The following DNM3 variants were observed in gnomAD, a reference collection of about 807,000 sequenced individuals.
DNM3 encodes dynamin 3, also known as dynamin-3.
Under a neutral mutation model 101.6 loss-of-function variants are expected in DNM3, and 47 were observed. The observed-to-expected ratio is 0.46, with a 90% CI of 0.37 to 0.59. DNM3 has a LOEUF of 0.59. DNM3 is among the 20% of genes least tolerant of loss of function. The pLI, the probability that DNM3 is intolerant of heterozygous loss-of-function variation, is 0.00. For synonymous variants in DNM3, 385 were observed against 387.9 expected (o/e 0.99, Z 0.09); for missense variants, 849 against 1,085.7 (o/e 0.78, Z 3.06).
rs1186825648 is a variant in DNM3, at chr1:172,006,895, T to C, written c.589+17747T>C. ...TAGATTTGTCTTTTCTAGAGTTTCA[T>C]GTAAATGGAATCATACACTAAGTAC... On this transcript the variant is annotated intron_variant, in intron 4 of 20. Coordinates refer to ENST00000627582, the MANE Select transcript of DNM3 (RefSeq NM_015569.5). Among the ~76,000 whole-genome samples, 4 of 152,214 alleles carry C rather than the reference T, an allele frequency of 2.6e-5. No individual in the cohort carries two copies. In the South Asian group the frequency reaches 8.3e-4, roughly 32 times the overall value.
intron 1 of DNM3, among the ~76,000 whole-genome samples, chr1:171,893,765 T>C (rs1301172538): frequency 6.6e-6 from 1 of 150,838 alleles, no homozygotes; most frequent in African/African-American, 2.4e-5. Flanking sequence ...TTGACCACTT[T>C]TTTTGGACCG....
In DNM3 at chr1:172,245,172, G is replaced by T. The variant is rs190628112; in HGVS notation, c.1660-8401G>T. ...AATTTATTTCCTCAAAGAGTTGATGGTTTGGTAGCAAAGTCAGCACACAAC... is the reference window on the plus strand; with the variant it reads ...AATTTATTTCCTCAAAGAGTTGATGTTTTGGTAGCAAAGTCAGCACACAAC... On this transcript the variant is annotated intron_variant, in intron 14 of 20. Coordinates refer to ENST00000627582, the MANE Select transcript of DNM3 (RefSeq NM_015569.5). 5.9e-3 allele frequency among the ~76,000 whole-genome samples: 901 copies of T among 152,250 alleles called. 12 individuals are homozygous for T. The highest frequency in any genetic ancestry group is 0.02 in the African/African-American group (816 of 41,544).
Position 171,921,585 on chromosome 1 carries a change from A to T in DNM3, c.162-163A>T, listed in dbSNP as rs572195731. ...TAAGGCCCTCCTCCTCCTTTTTTTT[A>T]AATTTGAAAATGCTTCTTTTATTAA... On this transcript the variant is annotated intron_variant, in intron 1 of 20. Transcript: ENST00000627582. 1.9e-4 allele frequency among the ~76,000 whole-genome samples: 29 copies of T among 152,120 alleles called. No homozygotes were observed. The South Asian group carries it at 5.8e-3, about 30-fold the overall frequency.
chr1:172,290,179 A>G (rs1228168619), intron 15 of DNM3: 1 of 213,852 alleles, frequency 4.7e-6, no homozygotes, highest in Non-Finnish European at 8.0e-6. Flanking sequence ...AAGCTCCATC[A>G]ATGGACTTGT....
At chr1:172,145,660 T>G (rs543401344) in intron 14 of DNM3, among the ~76,000 whole-genome samples, 1 of 152,280 alleles carries the variant, frequency 6.6e-6, no homozygotes, top group East Asian at 1.9e-4. Context: ...AAAGAAACGT[T>G]ACAGTTTTTG....
chr1:172,208,439 C>G (rs1450000302), intron 14 of DNM3, among the ~76,000 whole-genome samples: 3 of 151,982 alleles, frequency 2.0e-5, no homozygotes, highest in African/African-American at 4.8e-5. Context: ...TAGAGTAAAG[C>G]AGGTTTACCC....
At chr1:172,066,976 T>TGTGTG (rs2051729417) in intron 10 of DNM3, among the ~76,000 whole-genome samples, 1 of 136,392 alleles carries the variant, frequency 7.3e-6, no homozygotes, top group African/African-American at 2.9e-5. Flanking sequence ...GTGTGTGTGT[T>TGTGTG]TGTGTGTGTG....
At chr1:171,874,152 G>A (rs2035550944) in intron 1 of DNM3, among the ~76,000 whole-genome samples, 5 of 151,948 alleles carry the variant, frequency 3.3e-5, no homozygotes, top group Non-Finnish European at 7.4e-5. Context: ...TTTAAAATTG[G>A]ATATCACATC....
At chr1:171,890,975 T>C (rs552046978) in intron 1 of DNM3, among the ~76,000 whole-genome samples, 1 of 152,298 alleles carries the variant, frequency 6.6e-6, no homozygotes, top group East Asian at 1.9e-4. Context: ...AACTGGGACA[T>C]AGTTTCTAAA....
intron 14 of DNM3, among the ~76,000 whole-genome samples, chr1:172,167,737 T>A (rs2058803046): frequency 6.6e-6 from 1 of 152,066 alleles, no homozygotes. Context: ...TGCCCTCACT[T>A]ATTTACTTGG....
intron 15 of DNM3, among the ~76,000 whole-genome samples, chr1:172,292,805 A>C (rs1040613154): frequency 6.6e-6 from 1 of 152,226 alleles, no homozygotes; most frequent in Non-Finnish European, 1.5e-5. Context: ...TATTTAAAAA[A>C]ATGTGGAATG....
chr1:172,066,201 CTGTGTGTGTGT>C lies in DNM3; in HGVS notation c.1336-2617_1336-2607del, dbSNP rs370254528. Among the ~76,000 whole-genome samples the C allele has an allele frequency of 1.0e-2, 1,511 of 151,780 alleles. 27 individuals carry two copies. Among genetic ancestry groups the C allele is most frequent in the African/African-American group, 0.034 (1,412 of 41,396 alleles). Reference sequence around the variant, plus strand: ...CAAGGGTGTATGGTGGTGTGTGACTCTGTGTGTGTGTGCATGTGTGTGTGGATGTGTCTTAG... The same window carrying C: ...CAAGGGTGTATGGTGGTGTGTGACTCGCATGTGTGTGTGGATGTGTCTTAG... On this transcript the variant is annotated intron_variant, in intron 10 of 20. Coordinates refer to ENST00000627582, the MANE Select transcript of DNM3 (RefSeq NM_015569.5).
At chr1:171,961,625 G>A (rs945675060) in intron 2 of DNM3, among the ~76,000 whole-genome samples, 5 of 152,038 alleles carry the variant, frequency 3.3e-5, no homozygotes, top group African/African-American at 7.2e-5. Context: ...ATTGGAAAGC[G>A]GGGGCCCAAA....
chr1:172,276,710 G>A (rs186241089), intron 15 of DNM3, among the ~76,000 whole-genome samples: 1 of 151,884 alleles, frequency 6.6e-6, no homozygotes, highest in Admixed American at 6.6e-5. Context: ...CTTCTTATGA[G>A]TTAGAGTATC....
chr1:172,068,978 T>G lies in DNM3; in HGVS notation c.1422+73T>G, dbSNP rs2051933049. The G allele has an allele frequency of 9.2e-6, 12 of 1,300,426 alleles. No individual in the cohort carries two copies. In the South Asian group the frequency reaches 1.6e-4, roughly 17 times the overall value. 80.6% of individuals were successfully genotyped at this position (1,300,426 alleles called of 1,614,324 possible). A position where few individuals can be genotyped will look rare whatever the true frequency, so the allele number is the denominator to read the frequency against. ...AGGTCTCTGCAAGGTTGTCTGGTAG[T>G]TCCCAACAGTCAGCCTGTCGCTTAA... On this transcript the variant is annotated intron_variant, in intron 11 of 20. Transcript: ENST00000627582.
chr1:172,174,218 T>C (rs1232263563), intron 14 of DNM3, among the ~76,000 whole-genome samples: 7 of 151,612 alleles, frequency 4.6e-5, no homozygotes, highest in Admixed American at 1.3e-4. Context: ...TAGCCGAACC[T>C]GAAACAAATT....
chr1:172,114,285 A>G (rs188094075), intron 13 of DNM3, among the ~76,000 whole-genome samples: 3 of 152,318 alleles, frequency 2.0e-5, no homozygotes, highest in Non-Finnish European at 4.4e-5. Flanking sequence ...TACAGCAAGG[A>G]CTAGAAAGAA....
At chr1:172,025,809 C>G (rs2048166129) in intron 4 of DNM3, among the ~76,000 whole-genome samples, 1 of 152,148 alleles carries the variant, frequency 6.6e-6, no homozygotes, top group South Asian at 2.1e-4. Context: ...AGATCACCAA[C>G]CTCAAAGACC....
intron 17 of DNM3, among the ~76,000 whole-genome samples, chr1:172,338,075 C>T (rs1409160562): frequency 2.6e-5 from 4 of 151,694 alleles, no homozygotes; most frequent in Admixed American, 2.0e-4. Context: ...CGCCACCAAG[C>T]CCGGCTGATT....
Sources: allele counts gnomAD v4.1 joint callset (sites outside exome capture counted in the v4.1 genomes callset), GRCh38; gene constraint gnomAD v4.1.1; transcripts MANE v1.5; gene names NCBI Gene and HGNC (gene_info 2026-07-23, HGNC 2026-07-21).